Variants in SOX13 observed in about 807,000 individuals in gnomAD.
SOX13 encodes transcription factor SOX-13.
In SOX13, 28 loss-of-function variants were observed where a neutral mutation model predicts 71.8. The ratio of observed to expected loss-of-function variants is 0.39; its 90% CI spans 0.29 to 0.53. SOX13 has a LOEUF of 0.53. SOX13 is among the 20% of genes least tolerant of loss of function. The probability of loss-of-function intolerance (pLI) is 0.70; values close to 1 mark genes in which losing one functional copy is unlikely to be tolerated. For synonymous variants in SOX13, 309 were observed against 317.8 expected (o/e 0.97, Z 0.29); for missense variants, 627 against 810.3 (o/e 0.77, Z 2.75).
intron 1 of SOX13, among the ~76,000 whole-genome samples, chr1:204,076,732 G>A (rs1026236105): frequency 1.3e-5 from 2 of 152,192 alleles, no homozygotes; most frequent in Non-Finnish European, 2.9e-5. Context: ...ATGGCCAGAA[G>A]GTTGCTTCTT....
rs935218865 is a variant in SOX13, at chr1:204,122,392, G to T, written c.1017G>T (p.Leu339=). The change falls in exon 9 of 14, where the codon CTG becomes CTT. Residue 339 remains leucine (L), a synonymous_variant. Transcript: ENST00000367204. The part of the protein sequence containing the change: ...TRDLQSSPPS[L]PLGFLGEGDA... ...ACCTGCAGTCCAGCCCCCCGAGCCTGCCTCTGGGTAAGCCTCCTGCTGCCT... is the reference window on the plus strand; with the variant it reads ...ACCTGCAGTCCAGCCCCCCGAGCCTTCCTCTGGGTAAGCCTCCTGCTGCCT... The T allele has an allele frequency of 6.4e-7, 1 of 1,566,068 alleles. No homozygotes were observed. Among genetic ancestry groups the T allele is most frequent in the Non-Finnish European group, 8.7e-7 (1 of 1,155,700 alleles).
intron 1 of SOX13, among the ~76,000 whole-genome samples, chr1:204,102,335 G>A (rs1292183222): frequency 2.0e-5 from 3 of 152,208 alleles, no homozygotes; most frequent in Non-Finnish European, 4.4e-5. Context: ...GCAGGAGAAC[G>A]CAAGGGTTAA....
At chr1:204,124,603 C>T in intron 12 of SOX13, 38 bp from the exon 13 acceptor site, 1 of 1,560,600 alleles carries the variant, frequency 6.4e-7, no homozygotes, top group South Asian at 1.2e-5. Flanking sequence ...GTCAGCAGAG[C>T]CCAGCACTGA....
At chr1:204,122,754 G>A in intron 9 of SOX13, 100 bp from the exon 10 acceptor site, 1 of 719,250 alleles carries the variant, frequency 1.4e-6, no homozygotes, top group Non-Finnish European at 2.3e-6. Flanking sequence ...GTGCCTCATG[G>A]GAGTGGCATG....
chr1:204,107,631 T>C (rs1656494925), intron 1 of SOX13, among the ~76,000 whole-genome samples: 1 of 152,058 alleles, frequency 6.6e-6, no homozygotes, highest in Non-Finnish European at 1.5e-5. Context: ...GCAGCTGCTC[T>C]TCTCAAGCAG....
At chr1:204,114,148 T>C (rs1445355287) in intron 2 of SOX13, among the ~76,000 whole-genome samples, 173 bp from the exon 3 acceptor site, 1 of 152,210 alleles carries the variant, frequency 6.6e-6, no homozygotes, top group Non-Finnish European at 1.5e-5. Flanking sequence ...TCTTCTGTTC[T>C]TTTCCTAAAC....
In SOX13 at chr1:204,125,889, T is replaced by A; in HGVS notation, c.1624T>A (p.Ser542Thr). The A allele has an allele frequency of 6.2e-7, 1 of 1,612,800 alleles. No individual in the cohort carries two copies. The highest frequency in any genetic ancestry group is 8.5e-7 in the Non-Finnish European group (1 of 1,179,736). ...GGCTGGCCAGGTGCAGATGAGCTCCTCAGATGTCCTGTACCCTCGGGCAGC... is the reference window on the plus strand; with the variant it reads ...GGCTGGCCAGGTGCAGATGAGCTCCACAGATGTCCTGTACCCTCGGGCAGC... ...PQAGQVQMSSSDVLYPRAAGM... is the reference protein window; with the variant it reads ...PQAGQVQMSSTDVLYPRAAGM... Residue 542 changes from serine (S) to threonine (T), a missense_variant, in exon 14 of 14, where the codon TCA (serine) becomes ACA (threonine). By Grantham distance (58) the Ser-to-Thr change is moderately conservative. This residue lies in a region of SOX13 where 148 missense variants were observed against 192.7 expected (regional missense o/e 0.77). Coordinates refer to ENST00000367204, the MANE Select transcript of SOX13 (RefSeq NM_005686.3).
In SOX13 at chr1:204,113,110, C is replaced by T. The variant is rs959022845; in HGVS notation, c.195C>T (p.Ala65=). The change falls in exon 2 of 14, where the codon GCC becomes GCT. Residue 65 remains alanine, a synonymous_variant. Coordinates refer to ENST00000367204, the MANE Select transcript of SOX13 (RefSeq NM_005686.3). ...SQDSADPQAP[A]QGNFRGSWDC... ...ATAGTGCTGACCCCCAAGCTCCAGC[C>T]CAGGGGAATTTCAGGGGCTCCTGGG... The T allele has an allele frequency of 8.7e-5, 137 of 1,570,046 alleles. No homozygotes were observed. Among genetic ancestry groups the T allele is most frequent in the Non-Finnish European group, 1.2e-4 (134 of 1,158,258 alleles).
At chr1:204,116,164 G>T (rs1051214896) in intron 4 of SOX13, 2 of 1,258,324 alleles carry the variant, frequency 1.6e-6, no homozygotes, top group South Asian at 2.9e-5. Flanking sequence ...GGATCCCTCC[G>T]ATGGGATGGT....
chr1:204,117,569 C>T (rs1275771470), intron 6 of SOX13, 24 bp from the exon 7 acceptor site: 1 of 1,508,674 alleles, frequency 6.6e-7, no homozygotes, highest in African/African-American at 1.4e-5. Context: ...CCTGGGGACT[C>T]ACACAGGGTT....
chr1:204,101,507 A>AAAAAAG (rs1254765293), intron 1 of SOX13, among the ~76,000 whole-genome samples: 3 of 151,246 alleles, frequency 2.0e-5, no homozygotes, highest in Admixed American at 1.3e-4. Flanking sequence ...CTTTATTTAA[A>AAAAAAG]AAAAAAAAAA....
chr1:204,109,857 A>C (rs528606128), intron 1 of SOX13, among the ~76,000 whole-genome samples: 4 of 151,154 alleles, frequency 2.6e-5, no homozygotes, highest in African/African-American at 9.7e-5. Flanking sequence ...TTTGAGACGG[A>C]GTTTCGCTCT....
chr1:204,090,472 G>A (rs1293792750), intron 1 of SOX13, among the ~76,000 whole-genome samples: 6 of 146,622 alleles, frequency 4.1e-5, no homozygotes, highest in Admixed American at 1.4e-4. Context: ...ATAGTGGCAT[G>A]ATCTTGGCTC....
chr1:204,117,044 G>C (rs1256083027), intron 5 of SOX13, 78 bp from the exon 6 acceptor site: 4 of 1,411,162 alleles, frequency 2.8e-6, no homozygotes, highest in African/African-American at 2.8e-5. Context: ...TAGAAAGCAG[G>C]GTGTGGTTAG....
intron 7 of SOX13, chr1:204,119,532 G>GT (rs1656760601): frequency 1.3e-5 from 2 of 152,128 alleles, no homozygotes; most frequent in African/African-American, 4.8e-5. Flanking sequence ...ATCACATTGG[G>GT]AATTAGATTT....
At chr1:204,094,068 T>C (rs149133737) in intron 1 of SOX13, among the ~76,000 whole-genome samples, 8 of 152,370 alleles carry the variant, frequency 5.3e-5, no homozygotes, top group African/African-American at 1.9e-4. Context: ...CATAGTGAGT[T>C]AAAGGCATCA....
rs1458804224 is a variant in SOX13 at position 204,073,810 on chromosome 1, G to A, written c.-2+99G>A. The A allele has an allele frequency of 6.6e-6, 1 of 152,230 alleles. No homozygotes were observed. The highest frequency in any genetic ancestry group is 1.5e-5 in the Non-Finnish European group (1 of 68,116). The allele number at this position is 152,230 out of a possible 1,614,324, so 9.4% of individuals were successfully genotyped here. A position where few individuals can be genotyped will look rare whatever the true frequency, so the allele number is the denominator to read the frequency against. ...GCCCCTACGTTTCTGGGCACCCACC[G>A]GCTCTCTTCCCTGCGAGTTTCCACC... On this transcript the variant is annotated intron_variant, in intron 1 of 13. Transcript: ENST00000367204. The surrounding 1 kb of genome is among the most constrained non-coding windows in gnomAD (Gnocchi z 6.8).
At chr1:204,099,245 G>C (rs963321819) in intron 1 of SOX13, among the ~76,000 whole-genome samples, 1 of 152,162 alleles carries the variant, frequency 6.6e-6, no homozygotes, top group Non-Finnish European at 1.5e-5. Flanking sequence ...AGCCTCCTTA[G>C]GCCTCTGTGT....
At position 204,116,356 on chromosome 1, in the gene SOX13, A is replaced by T. The variant is rs769383233; in HGVS notation, c.419-151A>T. On this transcript the variant is annotated intron_variant, in intron 4 of 13. Coordinates refer to ENST00000367204, the MANE Select transcript of SOX13 (RefSeq NM_005686.3). ...ATGAAGAGCCCCCTTCAAGGCAAGC[A>T]TCTTGTGTCATCATCTCTGTGGCTC... The T allele has an allele frequency of 4.5e-6, 7 of 1,559,782 alleles. 1 individual carries two copies. In the South Asian group the frequency reaches 8.3e-5, roughly 18 times the overall value.
Sources: allele counts gnomAD v4.1 joint callset (sites outside exome capture counted in the v4.1 genomes callset), GRCh38; gene constraint gnomAD v4.1.1; regional missense constraint gnomAD v4.1.1; non-coding constraint Gnocchi (gnomAD v3.1); transcripts MANE v1.5; gene names NCBI Gene and HGNC (gene_info 2026-07-23, HGNC 2026-07-21).